GPRASP3: variants seen among roughly 807,000 people sequenced by gnomAD.
The protein encoded by GPRASP3 is G protein-coupled receptor associated sorting protein family member 3.
At chrX:102,751,910 A>G in the GPRASP3 span, 1 of 119,930 alleles carries the variant, frequency 8.3e-6, no homozygotes, top group African/African-American at 3.3e-5. Context: ...TGAATTTAAA[A>G]GGTAATTGCT....
the GPRASP3 span, among the ~76,000 whole-genome samples, chrX:102,730,387 A>C: frequency 5.3e-5 from 6 of 112,610 alleles, no homozygotes; most frequent in African/African-American, 1.9e-4. Flanking sequence ...TGTGTGACCC[A>C]GTTCCTAACA....
chrX:102,740,757 T>C, the GPRASP3 span, among the ~76,000 whole-genome samples: 1 of 106,279 alleles, frequency 9.4e-6, no homozygotes, highest in African/African-American at 3.5e-5. Flanking sequence ...TTGAAAATAA[T>C]TAAAAAGAAT....
At chrX:102,749,840 G>A in the GPRASP3 span, 32 of 1,206,419 alleles carry the variant, frequency 2.7e-5, no homozygotes, top group Middle Eastern at 2.3e-4. Context: ...CCTGAGTGTC[G>A]TTTTGATTCT....
chrX:102,722,634 T>G, the GPRASP3 span, among the ~76,000 whole-genome samples: 1 of 111,556 alleles, frequency 9.0e-6, no homozygotes, highest in Non-Finnish European at 1.9e-5. Flanking sequence ...AGCTATCTAG[T>G]GCACCCACCA....
chrX:102,735,403 CTT>C, the GPRASP3 span, among the ~76,000 whole-genome samples: 4 of 94,485 alleles, frequency 4.2e-5, no homozygotes. Flanking sequence ...CACAGAATCT[CTT>C]TTTTTTTTTT....
chrX:102,744,407 T>C, the GPRASP3 span, among the ~76,000 whole-genome samples: 1 of 112,196 alleles, frequency 8.9e-6, no homozygotes, highest in Admixed American at 9.4e-5. Context: ...TTTAATACTA[T>C]TAAGCTTAAA....
At chrX:102,738,672 G>C in the GPRASP3 span, among the ~76,000 whole-genome samples, 1 of 111,972 alleles carries the variant, frequency 8.9e-6, no homozygotes, top group Non-Finnish European at 1.9e-5. Flanking sequence ...GGTTCTTACT[G>C]TGTAACCCCC....
At chrX:102,742,887 G>A in the GPRASP3 span, among the ~76,000 whole-genome samples, 1 of 111,913 alleles carries the variant, frequency 8.9e-6, no homozygotes, top group Admixed American at 9.4e-5. Context: ...CATTGTGGTC[G>A]GGGCACAGCT....
the GPRASP3 span, among the ~76,000 whole-genome samples, chrX:102,734,974 A>T: frequency 8.9e-6 from 1 of 112,249 alleles, no homozygotes; most frequent in East Asian, 2.8e-4. Context: ...CATGATTTAT[A>T]ATTTAATTTT....
chrX:102,750,728 C>T, the GPRASP3 span: 1 of 747,747 alleles, frequency 1.3e-6, no homozygotes. Context: ...GCATCTTTAA[C>T]ACAGAGTCAC....
At chrX:102,752,806 G>A in the GPRASP3 span, 1 of 122,448 alleles carries the variant, frequency 8.2e-6, no homozygotes, top group Non-Finnish European at 1.9e-5. Flanking sequence ...GTCTTGCTCT[G>A]TCACCCAGGC....
the GPRASP3 span, among the ~76,000 whole-genome samples, chrX:102,728,389 A>G: frequency 9.2e-6 from 1 of 108,973 alleles, no homozygotes; most frequent in Non-Finnish European, 1.9e-5. Context: ...CAAAAGTCTA[A>G]TTTGCATTGC....
chrX:102,729,011 C>T, the GPRASP3 span, among the ~76,000 whole-genome samples: 2 of 112,160 alleles, frequency 1.8e-5, no homozygotes, highest in African/African-American at 3.2e-5. Flanking sequence ...GGTAAGAGCA[C>T]TTAAATGTAA....
chrX:102,748,385 G>T, the GPRASP3 span, among the ~76,000 whole-genome samples: 1 of 111,400 alleles, frequency 9.0e-6, no homozygotes, highest in Non-Finnish European at 1.9e-5. Context: ...AGGTCTAGTG[G>T]TATATATTTT....
chrX:102,738,092 G>A, the GPRASP3 span, among the ~76,000 whole-genome samples: 1 of 111,790 alleles, frequency 8.9e-6, no homozygotes, highest in African/African-American at 3.3e-5. Context: ...TCTGACTCTT[G>A]TAATTGCTTC....
At chrX:102,752,598 C>T in the GPRASP3 span, 1 of 123,450 alleles carries the variant, frequency 8.1e-6, no homozygotes. Context: ...CTTATCTTTT[C>T]AATTTAGTAT....
the GPRASP3 span, among the ~76,000 whole-genome samples, chrX:102,735,562 C>A: frequency 9.1e-6 from 1 of 110,341 alleles, no homozygotes; most frequent in East Asian, 2.8e-4. Flanking sequence ...CGCCACCACA[C>A]CTGGCTAATT....
the GPRASP3 span, among the ~76,000 whole-genome samples, chrX:102,743,919 G>A: frequency 9.0e-6 from 1 of 111,513 alleles, no homozygotes; most frequent in South Asian, 3.9e-4. Context: ...GTTATCTGCA[G>A]GAATAATTGG....
the GPRASP3 span, among the ~76,000 whole-genome samples, chrX:102,721,988 C>T: frequency 2.7e-5 from 3 of 112,010 alleles, no homozygotes; most frequent in African/African-American, 6.5e-5. Context: ...ACTTCTGGCA[C>T]AGAATGTGTG....
Sources: gnomAD v4.1 joint callset for allele counts (sites outside exome capture counted in the v4.1 genomes callset) on GRCh38, gnomAD v4.1.1 for gene constraint, MANE v1.5 for transcripts, NCBI Gene and HGNC (gene_info 2026-07-23, HGNC 2026-07-21) for gene names.